Variants in SRRM3 observed in about 807,000 individuals in gnomAD.
SRRM3 encodes serine/arginine repetitive matrix 3.
Under a neutral mutation model 66.2 loss-of-function variants are expected in SRRM3, and 27 were observed. The ratio of observed to expected loss-of-function variants is 0.41; its 90% CI spans 0.30 to 0.56. SRRM3 has a LOEUF of 0.56. Among genes scored for constraint, SRRM3 ranks in the 20% least tolerant of loss-of-function variants. The pLI, the probability that SRRM3 is intolerant of heterozygous loss-of-function variation, is 0.32. For missense variants in SRRM3, 918 were observed against 991.9 expected (o/e 0.93, Z 1.00); for synonymous variants, 391 against 414.9 (o/e 0.94, Z 0.70).
intron 2 of SRRM3, among the ~76,000 whole-genome samples, chr7:76,236,330 G>GA: frequency 6.8e-6 from 1 of 147,488 alleles, no homozygotes; most frequent in African/African-American, 2.5e-5. Context: ...AAAAAGAAAA[G>GA]AAAGAAAGAA....
intron 2 of SRRM3, among the ~76,000 whole-genome samples, chr7:76,241,966 C>T (rs1333255626): frequency 4.6e-5 from 7 of 152,146 alleles, no homozygotes; most frequent in African/African-American, 7.2e-5. Flanking sequence ...GTTCTAGAGG[C>T]TTGTACAGAA....
At chr7:76,251,565 G>A (rs1438759180) in intron 3 of SRRM3, among the ~76,000 whole-genome samples, 1 of 151,980 alleles carries the variant, frequency 6.6e-6, no homozygotes, top group African/African-American at 2.4e-5. Context: ...CAGTAGAGAC[G>A]GGGTTTCACG....
intron 1 of SRRM3, among the ~76,000 whole-genome samples, chr7:76,218,472 G>C (rs2116956284): frequency 6.6e-6 from 1 of 151,676 alleles, no homozygotes; most frequent in East Asian, 1.9e-4. Flanking sequence ...GAAGCTGTCT[G>C]CTCTTGGTGG....
intron 3 of SRRM3, among the ~76,000 whole-genome samples, chr7:76,258,725 A>G (rs1224403731): frequency 2.1e-5 from 3 of 143,204 alleles, no homozygotes; most frequent in Admixed American, 6.9e-5. Flanking sequence ...AAAAAAAAAA[A>G]AAAAAAAAGA....
chr7:76,281,312 T>G, intron 11 of SRRM3, 129 bp from the exon 12 acceptor site: 1 of 608,882 alleles, frequency 1.6e-6, no homozygotes. Context: ...TCTTTCCTCT[T>G]TCTGTCTCTG....
chr7:76,271,164 G>A (rs893881443), intron 11 of SRRM3, among the ~76,000 whole-genome samples: 1 of 150,844 alleles, frequency 6.6e-6, no homozygotes, highest in Non-Finnish European at 1.5e-5. Context: ...GCTATTTAGA[G>A]GTAGATCCAA....
At chr7:76,235,559 A>T (rs1211603021) in intron 2 of SRRM3, among the ~76,000 whole-genome samples, 4 of 152,262 alleles carry the variant, frequency 2.6e-5, no homozygotes, top group Admixed American at 1.3e-4. Context: ...TGCAAAAGTA[A>T]TCACGGTTTT....
chr7:76,261,313 C>G (rs782593848), intron 6 of SRRM3, 39 bp from the exon 7 acceptor site: 4 of 370,540 alleles, frequency 1.1e-5, no homozygotes, highest in East Asian at 9.1e-5. Context: ...CCCCACCCCC[C>G]ACCCCAGCTC....
intron 3 of SRRM3, among the ~76,000 whole-genome samples, chr7:76,250,431 G>A (rs781815077): frequency 7.9e-5 from 12 of 151,856 alleles, no homozygotes; most frequent in African/African-American, 2.9e-4. Flanking sequence ...ATGGGGTTTC[G>A]CCACATTGGC....
At chr7:76,252,408 G>A (rs147465121) in intron 3 of SRRM3, among the ~76,000 whole-genome samples, 36 of 152,230 alleles carry the variant, frequency 2.4e-4, no homozygotes, top group Middle Eastern at 3.4e-3. Flanking sequence ...TGTAACCTAC[G>A]CTTCCCGGGT....
chr7:76,238,618 C>T (rs542537770), intron 2 of SRRM3, among the ~76,000 whole-genome samples: 10 of 152,258 alleles, frequency 6.6e-5, no homozygotes, highest in African/African-American at 2.2e-4. Flanking sequence ...CCCCCAGCAT[C>T]CTCCCTGCCA....
chr7:76,221,834 C>T (rs1181607199), intron 1 of SRRM3, among the ~76,000 whole-genome samples: 2 of 152,200 alleles, frequency 1.3e-5, no homozygotes, highest in Admixed American at 6.5e-5. Flanking sequence ...TAACTCATGC[C>T]TGTAATGGTT....
chr7:76,257,251 T>C (rs1024356068), intron 3 of SRRM3, among the ~76,000 whole-genome samples: 2 of 151,786 alleles, frequency 1.3e-5, no homozygotes, highest in African/African-American at 4.8e-5. Flanking sequence ...CTTTTCCCTA[T>C]TGCTGTAGGA....
intron 11 of SRRM3, among the ~76,000 whole-genome samples, chr7:76,271,973 T>G (rs1158839379): frequency 6.6e-6 from 1 of 152,148 alleles, no homozygotes; most frequent in Non-Finnish European, 1.5e-5. Context: ...AGTTCATACA[T>G]GTGGGGAAAT....
At chr7:76,257,812 C>T (rs1320219902) in intron 3 of SRRM3, among the ~76,000 whole-genome samples, 4 of 152,152 alleles carry the variant, frequency 2.6e-5, no homozygotes, top group Admixed American at 2.0e-4. Flanking sequence ...TGCACAGCAC[C>T]TATGACCTCA....
At chr7:76,278,214 C>G (rs1011024172) in intron 11 of SRRM3, among the ~76,000 whole-genome samples, 1 of 151,912 alleles carries the variant, frequency 6.6e-6, no homozygotes, top group Non-Finnish European at 1.5e-5. Context: ...AGGCCGGGCA[C>G]GATGGCTCAC....
At chr7:76,250,292 T>A (rs573726930) in intron 3 of SRRM3, among the ~76,000 whole-genome samples, 4 of 151,710 alleles carry the variant, frequency 2.6e-5, no homozygotes, top group Admixed American at 2.6e-4. Flanking sequence ...AGTGCAGTGG[T>A]GTGATCTCAG....
At chr7:76,246,593 A>G (rs1554606188) in intron 2 of SRRM3, among the ~76,000 whole-genome samples, 1 of 151,378 alleles carries the variant, frequency 6.6e-6, no homozygotes, top group Admixed American at 6.6e-5. Flanking sequence ...AAAGAGAGAA[A>G]AGAAAAGTTG....
intron 1 of SRRM3, among the ~76,000 whole-genome samples, chr7:76,212,331 AT>A (rs1364988008): frequency 7.2e-6 from 1 of 139,006 alleles, no homozygotes. Context: ...CTAATTTTGT[AT>A]TTTTTTTAAA....
Sources: allele counts gnomAD v4.1 joint callset (sites outside exome capture counted in the v4.1 genomes callset), GRCh38; gene constraint gnomAD v4.1.1; transcripts MANE v1.5; gene names NCBI Gene and HGNC (gene_info 2026-07-23, HGNC 2026-07-21).